Variants in MOGAT1 observed in about 807,000 individuals in gnomAD.
MOGAT1 encodes the protein 2-acylglycerol O-acyltransferase 1.
A neutral mutation model predicts 31.4 loss-of-function variants in MOGAT1; 32 were observed. That is an observed-to-expected ratio of 1.02 (90% CI 0.77 to 1.37). MOGAT1 has a LOEUF of 1.37. MOGAT1 is among the 40% of genes most tolerant of loss of function. The pLI, the probability that MOGAT1 is intolerant of heterozygous loss-of-function variation, is 0.00. For missense variants in MOGAT1, 426 were observed against 402.0 expected (o/e 1.06, Z -0.51); for synonymous variants, 145 against 144.5 (o/e 1.00, Z -0.03).
intron 5 of MOGAT1, among the ~76,000 whole-genome samples, chr2:222,697,805 C>A (rs1692857840): frequency 1.3e-5 from 2 of 151,840 alleles, no homozygotes; most frequent in African/African-American, 4.8e-5. Context: ...GAACTCCCGA[C>A]CTCAGGTGAT....
At chr2:222,694,716 T>G (rs1430329535) in intron 4 of MOGAT1, among the ~76,000 whole-genome samples, 180 bp downstream of exon 4, 4 of 152,186 alleles carry the variant, frequency 2.6e-5, no homozygotes, top group Admixed American at 6.5e-5. Flanking sequence ...AGTAGCTCAA[T>G]GCCATGACAT....
chr2:222,689,264 G>T lies in MOGAT1; in HGVS notation c.274-1G>T. 6.2e-7 allele frequency: 1 copy of T among 1,610,758 alleles called. No homozygotes were observed. Among genetic ancestry groups the T allele is most frequent in the Non-Finnish European group, 8.5e-7 (1 of 1,177,800 alleles). On this transcript the variant is annotated splice_acceptor_variant, in intron 2 of 5. Transcript: ENST00000446656. LOFTEE classifies it high-confidence loss of function. ...AAAATCTCAATATGAATGTGCTGTA[G>T]CTTATCAAAACTCAAGATTTGGATC...
At chr2:222,703,457 G>C (rs1314789224) in intron 5 of MOGAT1, among the ~76,000 whole-genome samples, 5 of 151,930 alleles carry the variant, frequency 3.3e-5, no homozygotes, top group Non-Finnish European at 7.4e-5. Flanking sequence ...AAATAATCTC[G>C]GTGCCAAAGT....
At chr2:222,683,827 T>C (rs1379022414) in intron 1 of MOGAT1, among the ~76,000 whole-genome samples, 1 of 152,198 alleles carries the variant, frequency 6.6e-6, no homozygotes, top group Non-Finnish European at 1.5e-5. Flanking sequence ...GGAAGCCAAG[T>C]TGTGGTTTTT....
chr2:222,685,228 T>G (rs1220776657), intron 1 of MOGAT1, among the ~76,000 whole-genome samples: 1 of 152,208 alleles, frequency 6.6e-6, no homozygotes, highest in Non-Finnish European at 1.5e-5. Flanking sequence ...CAGCTACATT[T>G]TGCAGTCTCC....
chr2:222,709,746 G>C lies in MOGAT1; in HGVS notation c.864G>C (p.Pro288=). Residue 288 remains proline, a synonymous_variant, in exon 6 of 6, where the codon CCG becomes CCC. Coordinates refer to ENST00000446656, the MANE Select transcript of MOGAT1 (RefSeq NM_058165.3). ...RKAIHTVVGR[P]IPVRQTLNPT... ...TTCCCTGATTTGCAGTTGGCCGCCCGATCCCTGTTCGTCAGACTCTGAACC... is the reference window on the plus strand; with the variant it reads ...TTCCCTGATTTGCAGTTGGCCGCCCCATCCCTGTTCGTCAGACTCTGAACC... 1 of 1,612,040 alleles carries C rather than the reference G, an allele frequency of 6.2e-7. No homozygotes were observed. The highest frequency in any genetic ancestry group is 8.5e-7 in the Non-Finnish European group (1 of 1,179,168).
chr2:222,703,263 C>T (rs933728162), intron 5 of MOGAT1, among the ~76,000 whole-genome samples: 3 of 152,174 alleles, frequency 2.0e-5, no homozygotes, highest in Admixed American at 1.3e-4. Context: ...TGGCCTGTCT[C>T]CACATCTCTG....
At position 222,689,523 on chromosome 2, in the gene MOGAT1, C is replaced by G. The variant is rs1327627883; in HGVS notation, c.478+54C>G. 6 of 1,499,348 alleles carry G rather than the reference C, an allele frequency of 4.0e-6. No individual in the cohort carries two copies. The South Asian group carries it at 6.8e-5, about 17-fold the overall frequency. The allele number at this position is 1,499,348 out of a possible 1,614,324, so 92.9% of individuals were successfully genotyped here. ...AGTGCTTTGGGGTAGCAGGAGCACA[C>G]AGAACATTCCCTCCCAGGCCCATGT... On this transcript the variant is annotated intron_variant, in intron 3 of 5. Coordinates refer to ENST00000446656, the MANE Select transcript of MOGAT1 (RefSeq NM_058165.3).
chr2:222,675,297 A>G (rs1007804923), intron 1 of MOGAT1, among the ~76,000 whole-genome samples: 5 of 152,188 alleles, frequency 3.3e-5, no homozygotes, highest in Non-Finnish European at 7.4e-5. Context: ...GTTACATCAC[A>G]TCAGGATGCA....
chr2:222,705,071 C>T (rs764897068), intron 5 of MOGAT1, among the ~76,000 whole-genome samples: 109 of 152,128 alleles, frequency 7.2e-4, no homozygotes, highest in African/African-American at 1.9e-3. Context: ...TGATTATATG[C>T]GAAACAAAGG....
chr2:222,699,876 T>A (rs188118770), intron 5 of MOGAT1, among the ~76,000 whole-genome samples: 1 of 152,324 alleles, frequency 6.6e-6, no homozygotes, highest in Admixed American at 6.5e-5. Flanking sequence ...TGGTATTAAC[T>A]GAAAAACTGG....
chr2:222,694,225 A>T, intron 3 of MOGAT1, 137 bp from the exon 4 acceptor site: 1 of 756,316 alleles, frequency 1.3e-6, no homozygotes, highest in Non-Finnish European at 2.0e-6. Context: ...GAAAAATTAC[A>T]AACTTACAAA....
intron 1 of MOGAT1, among the ~76,000 whole-genome samples, chr2:222,685,193 A>G (rs1290167281): frequency 6.6e-6 from 1 of 152,256 alleles, no homozygotes; most frequent in Non-Finnish European, 1.5e-5. Context: ...GTTGAGTGAC[A>G]GGAACTTGCC....
In MOGAT1 at chr2:222,671,709, G is replaced by A. The variant is rs41272717; in HGVS notation, c.-77G>A. 148,677 of 1,253,912 alleles carry A rather than the reference G, an allele frequency of 0.12. 9,624 individuals are homozygous for A. Among genetic ancestry groups the A allele is most frequent in the Non-Finnish European group, 0.13 (116,367 of 884,786 alleles). The allele number at this position is 1,253,912 out of a possible 1,614,324, so 77.7% of individuals were successfully genotyped here. ...CCCAGCGCGGGGCCCGGATCCGGCC[G>A]GGCACTTCCCACAGGCGCCGCAGAG... On this transcript the variant is annotated 5_prime_UTR_variant, in exon 1 of 6. Transcript: ENST00000446656.
At chr2:222,682,218 C>A (rs1031849847) in intron 1 of MOGAT1, among the ~76,000 whole-genome samples, 8 of 152,164 alleles carry the variant, frequency 5.3e-5, no homozygotes, top group African/African-American at 1.9e-4. Context: ...CACTTCATCT[C>A]TAAATACTGT....
At chr2:222,686,745 G>C (rs1692675013) in intron 1 of MOGAT1, among the ~76,000 whole-genome samples, 1 of 152,064 alleles carries the variant, frequency 6.6e-6, no homozygotes, top group African/African-American at 2.4e-5. Flanking sequence ...ACCAACTCTG[G>C]AGAGAGCAGC....
chr2:222,689,545 A>G, intron 3 of MOGAT1, 76 bp downstream of exon 3: 1 of 1,338,694 alleles, frequency 7.5e-7, no homozygotes, highest in Non-Finnish European at 1.1e-6. Flanking sequence ...TCCCAGGCCC[A>G]TGTGTGTTTA....
intron 3 of MOGAT1, among the ~76,000 whole-genome samples, chr2:222,692,228 G>A (rs1405424146): frequency 6.6e-6 from 1 of 152,194 alleles, no homozygotes; most frequent in Non-Finnish European, 1.5e-5. Context: ...TATGCTAACA[G>A]TGGCAATGGC....
chr2:222,676,775 T>G (rs561348572), intron 1 of MOGAT1, among the ~76,000 whole-genome samples: 1 of 152,326 alleles, frequency 6.6e-6, no homozygotes, highest in Non-Finnish European at 1.5e-5. Flanking sequence ...TTTTTGCAAT[T>G]TTTTTCTTGT....
Sources: allele counts gnomAD v4.1 joint callset (sites outside exome capture counted in the v4.1 genomes callset), GRCh38; gene constraint gnomAD v4.1.1; transcripts MANE v1.5; gene names NCBI Gene and HGNC (gene_info 2026-07-23, HGNC 2026-07-21).